Variants in AKR1E2 observed in about 807,000 individuals in gnomAD.
The protein encoded by AKR1E2 is 1,5-anhydro-D-fructose reductase.
In AKR1E2, 43 loss-of-function variants were observed where a neutral mutation model predicts 41.9. The ratio of observed to expected loss-of-function variants is 1.03; its 90% CI spans 0.80 to 1.32. The LOEUF (loss-of-function observed/expected upper bound fraction) is 1.32, where lower values mean the gene tolerates loss of function less well. Among genes scored for constraint, AKR1E2 ranks in the 40% most tolerant of loss-of-function variants. The pLI is 0.00. For synonymous variants in AKR1E2, 121 were observed against 138.9 expected (o/e 0.87, Z 0.91); for missense variants, 423 against 396.5 (o/e 1.07, Z -0.57).
chr10:4,857,395 A>G, the AKR1E2 span, among the ~76,000 whole-genome samples: 1 of 140,148 alleles, frequency 7.1e-6, no homozygotes, highest in Non-Finnish European at 1.6e-5. Flanking sequence ...AAAAGTGTGT[A>G]GTACCCCCCA....
chr10:4,843,937 G>C (rs1052485274), intron 8 of AKR1E2, among the ~76,000 whole-genome samples: 3 of 152,194 alleles, frequency 2.0e-5, no homozygotes, highest in African/African-American at 7.2e-5. Flanking sequence ...TGTAAACTCA[G>C]TTCTCTCCAA....
the AKR1E2 span, among the ~76,000 whole-genome samples, chr10:4,871,666 G>A: frequency 3.1e-5 from 4 of 130,102 alleles, no homozygotes; most frequent in Non-Finnish European, 4.8e-5. Context: ...AGCAGATTAG[G>A]TTATTTCAAA....
chr10:4,833,669 G>C (rs1008082358), intron 3 of AKR1E2, among the ~76,000 whole-genome samples: 2 of 152,116 alleles, frequency 1.3e-5, no homozygotes, highest in African/African-American at 4.8e-5. Context: ...CTTGACCTCT[G>C]AGGCCCCCAC....
At chr10:4,866,473 C>T in the AKR1E2 span, among the ~76,000 whole-genome samples, 1 of 152,130 alleles carries the variant, frequency 6.6e-6, no homozygotes, top group African/African-American at 2.4e-5. Flanking sequence ...TGTAGCTGCC[C>T]AAGGGGTTCA....
At chr10:4,833,836 G>A (rs1036615006) in intron 3 of AKR1E2, among the ~76,000 whole-genome samples, 2 of 152,184 alleles carry the variant, frequency 1.3e-5, no homozygotes, top group Admixed American at 6.5e-5. Flanking sequence ...CTTCTTGCAG[G>A]TTCTGTTCTC....
Position 4,841,887 on chromosome 10 carries a change from TG to T in AKR1E2, c.753+34del, listed in dbSNP as rs748369866. 10 of 1,602,044 alleles carry T rather than the reference TG, an allele frequency of 6.2e-6. No homozygotes were observed. In the Admixed American group the frequency reaches 1.7e-4, roughly 27 times the overall value. On this transcript the variant is annotated intron_variant, in intron 7 of 9. Coordinates refer to ENST00000298375, the MANE Select transcript of AKR1E2 (RefSeq NM_001040177.3). ...GGAGGGAGGGCTGTTCTGAGCCAGG[TG>T]GGGTTCTCTGACCGCTCTACATCCT...
At chr10:4,831,357 C>G (rs949085763) in intron 2 of AKR1E2, among the ~76,000 whole-genome samples, 1 of 152,084 alleles carries the variant, frequency 6.6e-6, no homozygotes, top group African/African-American at 2.4e-5. Flanking sequence ...TACGAACATA[C>G]CTGAGACTGG....
chr10:4,864,134 C>T, the AKR1E2 span, among the ~76,000 whole-genome samples: 1 of 152,042 alleles, frequency 6.6e-6, no homozygotes. Context: ...ATCCTGATAC[C>T]AAAGCCTGGC....
the AKR1E2 span, among the ~76,000 whole-genome samples, chr10:4,869,098 G>A: frequency 3.9e-5 from 6 of 152,174 alleles, no homozygotes; most frequent in East Asian, 1.9e-4. Context: ...TTTCTGAAGC[G>A]ATTGTATAGA....
upstream of AKR1E2, among the ~76,000 whole-genome samples, chr10:4,825,377 G>A (rs545596455): frequency 5.6e-4 from 85 of 152,222 alleles, 1 homozygote; most frequent in East Asian, 5.8e-4. Flanking sequence ...GGAGAGATAA[G>A]AGGGGCGTCG....
At chr10:4,857,266 G>A in the AKR1E2 span, among the ~76,000 whole-genome samples, 1 of 152,126 alleles carries the variant, frequency 6.6e-6, no homozygotes, top group African/African-American at 2.4e-5. Context: ...CCCCAGTGTT[G>A]GAGGTAAAAC....
At chr10:4,833,605 G>A (rs560269891) in intron 3 of AKR1E2, 139 bp downstream of exon 3, 61 of 733,936 alleles carry the variant, frequency 8.3e-5, no homozygotes, top group Middle Eastern at 7.3e-4. Context: ...TGCTAGCTGC[G>A]GCATTTGGGC....
the AKR1E2 span, among the ~76,000 whole-genome samples, chr10:4,859,753 T>A: frequency 2.6e-5 from 4 of 152,224 alleles, no homozygotes; most frequent in Non-Finnish European, 1.5e-5. Flanking sequence ...GTCCTTCCTT[T>A]CTCTGAAAAA....
Position 4,836,600 on chromosome 10 carries a change from G to A in AKR1E2, c.459+791G>A, listed in dbSNP as rs566266484. Among the ~76,000 whole-genome samples, 3 of 152,302 alleles carry A rather than the reference G, an allele frequency of 2.0e-5. No individual in the cohort carries two copies. The East Asian group carries it at 5.8e-4, about 29-fold the overall frequency. Reference sequence around the variant, plus strand: ...GAAGCTCTCCAGGGAGGAGGCCAGAGGGAACCCTCGGACAGGGAGGAGTCC... The same window carrying A: ...GAAGCTCTCCAGGGAGGAGGCCAGAAGGAACCCTCGGACAGGGAGGAGTCC... On this transcript the variant is annotated intron_variant, in intron 4 of 9. Coordinates refer to ENST00000298375, the MANE Select transcript of AKR1E2 (RefSeq NM_001040177.3).
rs1169950355 is a variant in AKR1E2 at position 4,838,708 on chromosome 10, G to T, written c.583-1021G>T. On this transcript the variant is annotated intron_variant, in intron 5 of 9. Coordinates refer to ENST00000298375, the MANE Select transcript of AKR1E2 (RefSeq NM_001040177.3). ...TAGCCACCACCATGAAGAGCAACCT[G>T]GCTTCTGACCCAGCTTCTCATGTAG... Among the ~76,000 whole-genome samples, 4 of 152,138 alleles carry T rather than the reference G, an allele frequency of 2.6e-5. 1 individual carries two copies. The highest frequency in any genetic ancestry group is 7.2e-5 in the African/African-American group (3 of 41,410).
intron 8 of AKR1E2, among the ~76,000 whole-genome samples, chr10:4,846,804 A>G (rs1372335495): frequency 6.6e-6 from 1 of 152,168 alleles, no homozygotes; most frequent in African/African-American, 2.4e-5. Flanking sequence ...TTGGCCTCCC[A>G]AAGTGCTGGG....
intron 7 of AKR1E2, 63 bp downstream of exon 7, chr10:4,841,920 G>A: frequency 6.7e-7 from 1 of 1,487,392 alleles, no homozygotes; most frequent in Non-Finnish European, 9.1e-7. Context: ...TCCTTGGGGA[G>A]TCCTGGGGCT....
chr10:4,847,819 T>C lies in AKR1E2; in HGVS notation c.*289T>C, dbSNP rs987790900. 4.2e-5 allele frequency: 18 copies of C among 427,022 alleles called. No individual in the cohort carries two copies. The highest frequency in any genetic ancestry group is 2.6e-4 in the African/African-American group (13 of 49,122). The allele number at this position is 427,022 out of a possible 1,614,324, so 26.5% of individuals were successfully genotyped here. On this transcript the variant is annotated 3_prime_UTR_variant, in exon 10 of 10. Transcript: ENST00000298375. ...TTCACATTTTAAGAAAACTTTATCTTATGGAGTTATTTAAGCCATCTACAG... is the reference window on the plus strand; with the variant it reads ...TTCACATTTTAAGAAAACTTTATCTCATGGAGTTATTTAAGCCATCTACAG...
At chr10:4,836,393 T>C (rs771428774) in intron 4 of AKR1E2, among the ~76,000 whole-genome samples, 5 of 152,132 alleles carry the variant, frequency 3.3e-5, no homozygotes, top group Non-Finnish European at 7.4e-5. Flanking sequence ...TTTGAGAGGT[T>C]CCTGGAAGTT....
Sources: gnomAD v4.1 joint callset for allele counts (sites outside exome capture counted in the v4.1 genomes callset) on GRCh38, gnomAD v4.1.1 for gene constraint, MANE v1.5 for transcripts, NCBI Gene and HGNC (gene_info 2026-07-23, HGNC 2026-07-21) for gene names.